Variants in PPP2R2A observed in about 807,000 individuals in gnomAD.
The protein encoded by PPP2R2A is protein phosphatase 2 regulatory subunit Balpha.
A neutral mutation model predicts 53.2 loss-of-function variants in PPP2R2A; 9 were observed. That is an observed-to-expected ratio of 0.17 (90% CI 0.10 to 0.30). The LOEUF (loss-of-function observed/expected upper bound fraction) is 0.30, where lower values mean the gene tolerates loss of function less well. Ranked by LOEUF, PPP2R2A falls within the 10% of genes least tolerant of loss-of-function variation. The probability of loss-of-function intolerance (pLI) is 1.00; values close to 1 mark genes in which losing one functional copy is unlikely to be tolerated. For missense variants in PPP2R2A, 235 were observed against 534.6 expected (o/e 0.44, Z 5.53); for synonymous variants, 169 against 174.2 (o/e 0.97, Z 0.23).
chr8:26,340,818 A>G (rs1450787537), intron 3 of PPP2R2A, among the ~76,000 whole-genome samples: 1 of 152,126 alleles, frequency 6.6e-6, no homozygotes. Flanking sequence ...TTAGTAATAC[A>G]TTAATTTGTA....
chr8:26,366,087 A>C, intron 8 of PPP2R2A: 1 of 432,558 alleles, frequency 2.3e-6, no homozygotes, highest in Non-Finnish European at 4.0e-6. Flanking sequence ...TGCCATGCCC[A>C]GAATGGAGTT....
At chr8:26,322,059 T>C (rs1802867615) in intron 2 of PPP2R2A, among the ~76,000 whole-genome samples, 1 of 152,164 alleles carries the variant, frequency 6.6e-6, no homozygotes, top group African/African-American at 2.4e-5. Context: ...TTGACCAGTA[T>C]GAGCAGTAAC....
intron 1 of PPP2R2A, chr8:26,293,330 G>T (rs1209614916): frequency 6.9e-7 from 1 of 1,445,622 alleles, no homozygotes; most frequent in Admixed American, 2.0e-5. Flanking sequence ...GTACACTTAA[G>T]AAAACTCTTT....
At chr8:26,339,297 AT>A (rs1803820570) in intron 3 of PPP2R2A, among the ~76,000 whole-genome samples, 1 of 152,082 alleles carries the variant, frequency 6.6e-6, no homozygotes, top group Non-Finnish European at 1.5e-5. Flanking sequence ...CTTCATTATA[AT>A]TTTTCCTTTG....
chr8:26,326,601 A>G (rs528032263), intron 2 of PPP2R2A, among the ~76,000 whole-genome samples: 1 of 152,306 alleles, frequency 6.6e-6, no homozygotes, highest in South Asian at 2.1e-4. Context: ...TTAGGGAGAT[A>G]TTAATAGCCA....
intron 3 of PPP2R2A, 120 bp downstream of exon 3, chr8:26,339,107 T>C (rs3808574): frequency 0.055 from 40,366 of 730,466 alleles, 2,149 homozygotes; most frequent in East Asian, 0.24. Context: ...GTTTATTGAA[T>C]ACAATGTCCA....
At chr8:26,326,348 A>C (rs1803085649) in intron 2 of PPP2R2A, among the ~76,000 whole-genome samples, 1 of 152,202 alleles carries the variant, frequency 6.6e-6, no homozygotes, top group Non-Finnish European at 1.5e-5. Context: ...CTTTTACTTA[A>C]AATTCCCAAG....
At chr8:26,343,067 A>G (rs999683345) in intron 3 of PPP2R2A, among the ~76,000 whole-genome samples, 3 of 152,036 alleles carry the variant, frequency 2.0e-5, no homozygotes, top group South Asian at 2.1e-4. Context: ...AATCCCAGCT[A>G]TGTGACTGAA....
chr8:26,331,470 C>G (rs74624627), intron 2 of PPP2R2A, among the ~76,000 whole-genome samples: 117 of 152,192 alleles, frequency 7.7e-4, no homozygotes, highest in African/African-American at 2.7e-3. Context: ...TTATTGGGTA[C>G]TTTTTCTGAA....
intron 2 of PPP2R2A, among the ~76,000 whole-genome samples, chr8:26,328,223 G>C (rs984808412): frequency 6.6e-6 from 1 of 152,118 alleles, no homozygotes; most frequent in Non-Finnish European, 1.5e-5. Flanking sequence ...TTAGTTATGG[G>C]TTTAACCCTT....
At chr8:26,325,342 T>G (rs1361890178) in intron 2 of PPP2R2A, among the ~76,000 whole-genome samples, 2 of 152,070 alleles carry the variant, frequency 1.3e-5, no homozygotes, top group Non-Finnish European at 2.9e-5. Flanking sequence ...TTTTGCTTCT[T>G]CCTCATTTTT....
intron 2 of PPP2R2A, among the ~76,000 whole-genome samples, chr8:26,325,236 TG>T (rs995801972): frequency 1.3e-5 from 2 of 151,692 alleles, no homozygotes; most frequent in African/African-American, 2.4e-5. Flanking sequence ...GGTGGACCCA[TG>T]GGGGGGTAAT....
In PPP2R2A at chr8:26,366,376, A is replaced by G; in HGVS notation, c.1034A>G (p.Lys345Arg). The change falls in exon 9 of 10, where the codon AAA (lysine) becomes AGA (arginine). Residue 345 changes from lysine (K) to arginine (R), a missense_variant. Around this residue, in one of 3 missense-constraint regions of PPP2R2A, gnomAD observed 181 missense variants for 409.9 expected, o/e 0.44. Transcript: ENST00000380737. ...SLYENDCIFD[K>R]FECCWNGSDS... is the part of the protein sequence containing the mutation. Reference sequence around the variant, plus strand: ...TATGAAAATGACTGCATATTTGACAAATTTGAATGTTGTTGGAATGGATCT... The same window carrying G: ...TATGAAAATGACTGCATATTTGACAGATTTGAATGTTGTTGGAATGGATCT... 1.9e-6 allele frequency: 3 copies of G among 1,596,846 alleles called. No homozygotes were observed. Among genetic ancestry groups the G allele is most frequent in the Non-Finnish European group, 2.6e-6 (3 of 1,173,960 alleles).
intron 2 of PPP2R2A, among the ~76,000 whole-genome samples, chr8:26,304,195 C>T (rs1801913045): frequency 8.9e-6 from 1 of 112,926 alleles, no homozygotes; most frequent in Non-Finnish European, 2.0e-5. Context: ...CTTACCGGTC[C>T]TCTTATTACT....
intron 2 of PPP2R2A, among the ~76,000 whole-genome samples, chr8:26,297,275 C>T (rs1365067622): frequency 6.6e-6 from 1 of 152,038 alleles, no homozygotes; most frequent in Non-Finnish European, 1.5e-5. Context: ...ATGTCCGGCT[C>T]ATTTTTGTAT....
intron 2 of PPP2R2A, among the ~76,000 whole-genome samples, chr8:26,335,922 T>C (rs1803634984): frequency 6.6e-6 from 1 of 152,222 alleles, no homozygotes; most frequent in Admixed American, 6.5e-5. Context: ...CCATAAGAAG[T>C]GATACGTTAT....
At chr8:26,346,552 T>C (rs747416106) in intron 3 of PPP2R2A, among the ~76,000 whole-genome samples, 2 of 152,232 alleles carry the variant, frequency 1.3e-5, no homozygotes, top group African/African-American at 2.4e-5. Flanking sequence ...TTCAAAGTCT[T>C]ATTCAAGGAT....
chr8:26,319,079 C>T (rs556876724), intron 2 of PPP2R2A, among the ~76,000 whole-genome samples: 1 of 152,218 alleles, frequency 6.6e-6, no homozygotes, highest in Non-Finnish European at 1.5e-5. Context: ...GAATTTGACT[C>T]CTAGATGTTT....
intron 3 of PPP2R2A, among the ~76,000 whole-genome samples, chr8:26,341,285 G>A (rs1447544751): frequency 6.6e-6 from 1 of 152,122 alleles, no homozygotes; most frequent in Admixed American, 6.6e-5. Flanking sequence ...CTGTCTTAGA[G>A]TTTCTAATAC....
Sources: gnomAD v4.1 joint callset for allele counts (sites outside exome capture counted in the v4.1 genomes callset) on GRCh38, gnomAD v4.1.1 for gene constraint, gnomAD v4.1.1 regional missense constraint, MANE v1.5 for transcripts, NCBI Gene and HGNC (gene_info 2026-07-23, HGNC 2026-07-21) for gene names.